The following ERBB4 variants were observed in gnomAD, a reference collection of about 807,000 sequenced individuals.
The protein encoded by ERBB4 is receptor tyrosine-protein kinase erbB-4.
In ERBB4, 42 loss-of-function variants were observed where a neutral mutation model predicts 158.0. The ratio of observed to expected loss-of-function variants is 0.27; its 90% CI spans 0.21 to 0.34. The LOEUF (loss-of-function observed/expected upper bound fraction) is 0.34. Among genes scored for constraint, ERBB4 ranks in the 10% least tolerant of loss-of-function variants. ERBB4 has a pLI of 1.00. For synonymous variants in ERBB4, 583 were observed against 558.7 expected, an observed-to-expected ratio of 1.04 and a Z score of -0.61; for missense variants, 1,333 against 1,624.1, an observed-to-expected ratio of 0.82 and a Z score of 3.08.
chr2:212,523,290 C>A (rs981403248), intron 1 of ERBB4, among the ~76,000 whole-genome samples: 32 of 151,876 alleles, frequency 2.1e-4, no homozygotes, highest in African/African-American at 7.5e-4. Flanking sequence ...GCCACAAATG[C>A]AGGCCCAGTT....
chr2:211,602,847 C>T (rs1851178), intron 19 of ERBB4, among the ~76,000 whole-genome samples: 135,042 of 152,130 alleles, frequency 0.89, 59,991 homozygotes, highest in Admixed American at 0.9. Context: ...TTCTGAATGA[C>T]GAGAAAGAGA....
chr2:212,519,560 G>A (rs1192323372), intron 1 of ERBB4, among the ~76,000 whole-genome samples: 2 of 151,788 alleles, frequency 1.3e-5, no homozygotes, highest in Non-Finnish European at 2.9e-5. Flanking sequence ...GCTAGAGGAG[G>A]GATAGCATTA....
In ERBB4 at chr2:211,871,239, C is replaced by T. The variant is rs76453846; in HGVS notation, c.421+76191G>A. On this transcript the variant is annotated intron_variant, in intron 3 of 27. Transcript: ENST00000342788. ...GCTGCCAAAAGATATTTGGGCATGC[C>T]GACAGTCCCAACTACTTGGGTGGCC... Among the ~76,000 whole-genome samples, 1,495 of 152,170 alleles carry T rather than the reference C, an allele frequency of 9.8e-3. 29 individuals are homozygous for T. The highest frequency in any genetic ancestry group is 0.033 in the African/African-American group (1,368 of 41,506).
chr2:211,560,340 T>A (rs1203975833), intron 20 of ERBB4, among the ~76,000 whole-genome samples: 2 of 143,052 alleles, frequency 1.4e-5, no homozygotes, highest in Admixed American at 7.3e-5. Context: ...AGTGGTGTGA[T>A]CTCGGCTCAC....
At chr2:212,349,029 T>C (rs1574740526) in intron 1 of ERBB4, among the ~76,000 whole-genome samples, 2 of 152,212 alleles carry the variant, frequency 1.3e-5, no homozygotes, top group African/African-American at 2.4e-5. Flanking sequence ...AAACATGATA[T>C]GATTGTCAAT....
chr2:211,878,809 A>G (rs955953180), intron 3 of ERBB4, among the ~76,000 whole-genome samples: 1 of 152,024 alleles, frequency 6.6e-6, no homozygotes, highest in Non-Finnish European at 1.5e-5. Context: ...AGGCAAATTA[A>G]AATTTTAAGT....
intron 19 of ERBB4, among the ~76,000 whole-genome samples, chr2:211,591,281 C>T (rs772542495): frequency 2.0e-5 from 3 of 152,160 alleles, no homozygotes; most frequent in Non-Finnish European, 4.4e-5. Context: ...TATCTGCCAA[C>T]GAAGGGGGAT....
chr2:211,821,798 A>C (rs1458487021), intron 3 of ERBB4, among the ~76,000 whole-genome samples: 1 of 152,030 alleles, frequency 6.6e-6, no homozygotes, highest in Non-Finnish European at 1.5e-5. Flanking sequence ...AAAACTGGAA[A>C]TCTAAATGCA....
chr2:211,853,850 AG>A (rs1358600338), intron 3 of ERBB4, among the ~76,000 whole-genome samples: 2 of 152,128 alleles, frequency 1.3e-5, no homozygotes, highest in African/African-American at 4.8e-5. Context: ...CTCAATAAAA[AG>A]CAATACATTA....
chr2:211,987,330 CAAAAA>C (rs564412801), intron 2 of ERBB4, among the ~76,000 whole-genome samples: 3,951 of 56,186 alleles, frequency 0.07, 279 homozygotes, highest in African/African-American at 0.16. Context: ...CAAGAAAAGA[CAAAAA>C]AAAAAAAAAG....
chr2:211,988,164 AT>A (rs2081984427), intron 2 of ERBB4, among the ~76,000 whole-genome samples: 2 of 152,160 alleles, frequency 1.3e-5, no homozygotes, highest in Non-Finnish European at 2.9e-5. Flanking sequence ...TATACTATTA[AT>A]TAATGTCAGT....
chr2:211,568,500 T>C (rs1052248254), intron 19 of ERBB4, among the ~76,000 whole-genome samples: 4 of 152,154 alleles, frequency 2.6e-5, no homozygotes, highest in African/African-American at 9.7e-5. Context: ...ATTTAGCGGT[T>C]TCACAAAGAC....
chr2:212,315,132 T>C (rs1445465439), intron 1 of ERBB4, among the ~76,000 whole-genome samples: 1 of 151,328 alleles, frequency 6.6e-6, no homozygotes, highest in Non-Finnish European at 1.5e-5. Context: ...CTACAAGCCT[T>C]TTAATTTTTT....
At chr2:212,466,331 C>A (rs952495187) in intron 1 of ERBB4, among the ~76,000 whole-genome samples, 1 of 152,120 alleles carries the variant, frequency 6.6e-6, no homozygotes, top group Admixed American at 6.6e-5. Flanking sequence ...ATATGAAGGA[C>A]CAACTTTTGT....
At chr2:211,396,729 G>A (rs563517734) in intron 25 of ERBB4, among the ~76,000 whole-genome samples, 4 of 152,276 alleles carry the variant, frequency 2.6e-5, no homozygotes, top group South Asian at 2.1e-4. Flanking sequence ...ACAATTTAAC[G>A]TAATACAGAT....
intron 12 of ERBB4, among the ~76,000 whole-genome samples, chr2:211,691,602 G>GTGTGTGTGTA (rs1225867697): frequency 0.015 from 2,247 of 145,330 alleles, 62 homozygotes; most frequent in African/African-American, 0.055. Flanking sequence ...GTGTGTGTGT[G>GTGTGTGTGTA]TATATATATA....
intron 25 of ERBB4, among the ~76,000 whole-genome samples, chr2:211,391,986 C>A (rs955542179): frequency 6.6e-6 from 1 of 152,098 alleles, no homozygotes; most frequent in Admixed American, 6.5e-5. Context: ...TATAAGATTA[C>A]AATTTCTAGG....
Position 212,320,170 on chromosome 2 carries a change from G to A in ERBB4, c.83-195267C>T. On this transcript the variant is annotated intron_variant, in intron 1 of 27. Transcript: ENST00000342788. ...AAAAAGTCTGATATGTTCTGACTGG[G>A]TAAATCTACCAGGCCGATTACTGGG... is the stretch of plus-strand genomic sequence containing the variant. Among the ~76,000 whole-genome samples the A allele has an allele frequency of 1.3e-5, 2 of 148,152 alleles. 1 individual carries two copies. The highest frequency in any genetic ancestry group is 3.0e-5 in the Non-Finnish European group (2 of 66,710).
chr2:211,515,912 A>ATATATATATTTTTT (rs35696520), intron 20 of ERBB4, among the ~76,000 whole-genome samples: 1 of 78,976 alleles, frequency 1.3e-5, no homozygotes, highest in Non-Finnish European at 2.4e-5. Context: ...ATATATATAT[A>ATATATATATTTTTT]TTTTTTTTTT....
Sources: gnomAD v4.1 joint callset for allele counts (sites outside exome capture counted in the v4.1 genomes callset) on GRCh38, gnomAD v4.1.1 for gene constraint, MANE v1.5 for transcripts, NCBI Gene and HGNC (gene_info 2026-07-23, HGNC 2026-07-21) for gene names.